PLXNA3: variants seen among roughly 807,000 people sequenced by gnomAD.
PLXNA3 encodes the protein plexin-A3.
A neutral mutation model predicts 118.8 loss-of-function variants in PLXNA3; 52 were observed. The observed-to-expected ratio is 0.44, with a 90% CI of 0.35 to 0.55. PLXNA3 has a LOEUF of 0.55. Among genes scored for constraint, PLXNA3 ranks in the 20% least tolerant of loss-of-function variants. PLXNA3 has a pLI of 0.01. For synonymous variants in PLXNA3, 925 were observed against 762.4 expected, an observed-to-expected ratio of 1.21 and a Z score of -3.51; for missense variants, 1,660 against 1,730.8, an observed-to-expected ratio of 0.96 and a Z score of 0.73.
rs782793795 is a variant in PLXNA3 at position 154,460,668 on chromosome X, C to G, written c.485C>G (p.Pro162Arg). 5.1e-6 allele frequency: 6 copies of G among 1,165,568 alleles called. No individual in the cohort carries two copies. The East Asian group carries it at 1.8e-4, about 35-fold the overall frequency. ...GTCATTGTGGAGCAGGGCCAGGGGCCCAGCAAGCTGTTTGTGGGCACTGCT... is the reference window on the plus strand; with the variant it reads ...GTCATTGTGGAGCAGGGCCAGGGGCGCAGCAAGCTGTTTGTGGGCACTGCT... Reference protein sequence around the residue: ...AGVIVEQGQGPSKLFVGTAVD... With the variant: ...AGVIVEQGQGRSKLFVGTAVD... The change falls in exon 2 of 33, where the codon CCC (proline) becomes CGC (arginine). Residue 162 changes from proline to arginine, a missense_variant. Pro to Arg is a moderately radical substitution (Grantham distance 103). Around this residue, in one of 2 missense-constraint regions of PLXNA3, gnomAD observed 791 missense variants for 652.1 expected, o/e 1.21. Transcript: ENST00000369682.
Position 154,469,384 on chromosome X carries a change from C to T in PLXNA3, c.4600C>T (p.Arg1534Cys), listed in dbSNP as rs1233088726. The change falls in exon 27 of 33, where the codon CGC becomes TGC. Residue 1534 changes from arginine to cysteine, a missense_variant. Arg to Cys is a radical substitution (Grantham distance 180). Coordinates refer to ENST00000369682, the MANE Select transcript of PLXNA3 (RefSeq NM_017514.5). ...GGGCTGTCTGTGGCCCACAGAGTGG[C>T]GCCAGGGCCGCATGACTCGCATCAT... ...PKAEDMDLEW[R>C]QGRMTRIILQ... 1.4e-5 allele frequency: 17 copies of T among 1,203,352 alleles called. No homozygotes were observed. Among genetic ancestry groups the T allele is most frequent in the South Asian group, 1.8e-5 (1 of 56,601 alleles).
In PLXNA3 at chrX:154,463,265, T is replaced by C. The variant is rs1414510226; in HGVS notation, c.1318-126T>C. On this transcript the variant is annotated intron_variant, in intron 4 of 32. Transcript: ENST00000369682. ...CTTTTTTTGGCCTCCGGGCTGTGGGTGTGAGTGCTGAACCCCACCAGGTCC... is the reference window on the plus strand; with the variant it reads ...CTTTTTTTGGCCTCCGGGCTGTGGGCGTGAGTGCTGAACCCCACCAGGTCC... The C allele has an allele frequency of 4.2e-6, 4 of 952,795 alleles. No homozygotes were observed. In the African/African-American group the frequency reaches 5.8e-5, roughly 14 times the overall value. The allele number at this position is 952,795 out of a possible 1,213,427, so 78.5% of individuals were successfully genotyped here.
rs782169203 is a variant in PLXNA3, at chrX:154,467,125, A to G, written c.3176A>G (p.Lys1059Arg). Residue 1059 changes from lysine to arginine, a missense_variant, in exon 18 of 33, where the codon AAG becomes AGG. Coordinates refer to ENST00000369682, the MANE Select transcript of PLXNA3 (RefSeq NM_017514.5). ...LTVQEPRVRAKYRGIETTNTC... is the reference protein window; with the variant it reads ...LTVQEPRVRARYRGIETTNTC... Reference sequence around the variant, plus strand: ...GTCCAGGAGCCCCGGGTCCGTGCCAAGTACCGCGGCATTGAGACCACCAAT... The same window carrying G: ...GTCCAGGAGCCCCGGGTCCGTGCCAGGTACCGCGGCATTGAGACCACCAAT... 3.3e-6 allele frequency: 4 copies of G among 1,210,308 alleles called. No individual in the cohort carries two copies. The Admixed American group carries it at 6.5e-5, about 20-fold the overall frequency.
rs142990103 is a variant in PLXNA3 at position 154,470,167 on chromosome X, G to A, written c.4986G>A (p.Lys1662=). ...ACCTGACACGGCTGCTGGCCACCAA[G>A]GTATGGGCCTGCCTCTCGCCACCTT... ...EIYLTRLLAT[K]GTLQKFVDDL... Residue 1662 remains lysine (K), a splice_region_variant and synonymous_variant, in exon 29 of 33, where the codon AAG becomes AAA. Coordinates refer to ENST00000369682, the MANE Select transcript of PLXNA3 (RefSeq NM_017514.5). 9 of 1,206,623 alleles carry A rather than the reference G, an allele frequency of 7.5e-6. No individual in the cohort carries two copies. In the African/African-American group the frequency reaches 1.2e-4, roughly 16 times the overall value.
chrX:154,465,060 G>T lies in PLXNA3; in HGVS notation c.2086G>T (p.Val696Phe). The T allele has an allele frequency of 1.7e-6, 2 of 1,209,623 alleles. No individual in the cohort carries two copies. The highest frequency in any genetic ancestry group is 2.2e-6 in the Non-Finnish European group (2 of 894,537). ...GCCCAGTGGGGACCTCCTGATCCCC[G>T]TTGGGGTCATGCAGCCTCTTACCTT... ...ILPSGDLLIP[V>F]GVMQPLTLRA... The change falls in exon 11 of 33, where the codon GTT (valine) becomes TTT (phenylalanine). Residue 696 changes from valine to phenylalanine, a missense_variant. Val to Phe is a conservative substitution (Grantham distance 50). Coordinates refer to ENST00000369682, the MANE Select transcript of PLXNA3 (RefSeq NM_017514.5).
chrX:154,458,607 C>T (rs1276929991), intron 1 of PLXNA3, among the ~76,000 whole-genome samples, 179 bp downstream of exon 1: 2 of 112,743 alleles, frequency 1.8e-5, no homozygotes, highest in Admixed American at 9.2e-5. Flanking sequence ...GACCAACACC[C>T]TGCCCAAAGA....
Position 154,472,950 on chromosome X carries a change from G to A in PLXNA3, c.*265G>A, listed in dbSNP as rs1402568879. 17 of 323,286 alleles carry A rather than the reference G, an allele frequency of 5.3e-5. No homozygotes were observed. The highest frequency in any genetic ancestry group is 9.4e-5 in the Non-Finnish European group (17 of 180,352). The allele number at this position is 323,286 out of a possible 1,213,427, so 26.6% of individuals were successfully genotyped here. A position where few individuals can be genotyped will look rare whatever the true frequency, so the allele number is the denominator to read the frequency against. On this transcript the variant is annotated 3_prime_UTR_variant, in exon 33 of 33. Coordinates refer to ENST00000369682, the MANE Select transcript of PLXNA3 (RefSeq NM_017514.5). ...CCTCCTGCCCTGTGCCCAGGTGTTG[G>A]GACAGTCCCACCCTCCCTGCTATTT... is the stretch of plus-strand genomic sequence containing the variant.
rs112506751 is a variant in PLXNA3 at position 154,463,742 on chromosome X, G to A, written c.1547+52G>A. 6 of 1,054,476 alleles carry A rather than the reference G, an allele frequency of 5.7e-6. No individual in the cohort carries two copies. The South Asian group carries it at 9.9e-5, about 17-fold the overall frequency. The allele number at this position is 1,054,476 out of a possible 1,213,427, so 86.9% of individuals were successfully genotyped here. ...AGTTGGAGGGCCCCACTGGCCAGGG[G>A]GAGCCAGCCACACCCAGCCGTGCCC... On this transcript the variant is annotated intron_variant, in intron 6 of 32. Transcript: ENST00000369682.
At chrX:154,463,338 A>C in intron 4 of PLXNA3, 53 bp from the exon 5 acceptor site, 1 of 1,206,948 alleles carries the variant, frequency 8.3e-7, no homozygotes, top group East Asian at 3.0e-5. Context: ...TGGAGAAGAC[A>C]GTGTCCCAGG....
In PLXNA3 at chrX:154,459,772, C is replaced by T. The variant is rs6643671; in HGVS notation, c.-27-385C>T. The stretch of plus-strand genomic sequence containing the variant: ...GGCCCTGCCCCTCTCCCCCAGCTTG[C>T]GATTATTCTGTGCCTGCCTCCCTCT... On this transcript the variant is annotated intron_variant, in intron 1 of 32. Transcript: ENST00000369682. 1.3e-4 allele frequency among the ~76,000 whole-genome samples: 15 copies of T among 112,820 alleles called. No homozygotes were observed. In the East Asian group the frequency reaches 2.8e-3, roughly 21 times the overall value.
chrX:154,464,876 G>A lies in PLXNA3; in HGVS notation c.2043+8G>A, dbSNP rs368907905. 93 of 1,155,415 alleles carry A rather than the reference G, an allele frequency of 8.0e-5. No individual in the cohort carries two copies. In the African/African-American group the frequency reaches 1.0e-3, roughly 13 times the overall value. The stretch of plus-strand genomic sequence containing the variant: ...AGGGTCCACAGCCCTGAGGTGAGGC[G>A]GGCGCCGCATGTGAGGGGCTGGGCT... On this transcript the variant is annotated splice_region_variant and intron_variant, in intron 10 of 32. Coordinates refer to ENST00000369682, the MANE Select transcript of PLXNA3 (RefSeq NM_017514.5).
intron 1 of PLXNA3, among the ~76,000 whole-genome samples, chrX:154,459,533 G>C (rs2068900554): frequency 8.9e-6 from 1 of 112,698 alleles, no homozygotes; most frequent in South Asian, 3.6e-4. Flanking sequence ...ATGTGTGTCT[G>C]GGTGCGTGGC....
Position 154,461,997 on chromosome X carries a change from GGCGA to G in PLXNA3, c.1135-128_1135-125del, listed in dbSNP as rs1409052763. On this transcript the variant is annotated intron_variant, in intron 3 of 32. Coordinates refer to ENST00000369682, the MANE Select transcript of PLXNA3 (RefSeq NM_017514.5). The stretch of plus-strand genomic sequence containing the variant: ...CCACCAATTTCCTGGAGCACCCTAG[GGCGA>G]GCAGTCAGTCCTGGCTGGAGGGGAC... The G allele has an allele frequency of 5.6e-6, 3 of 532,172 alleles. 1 individual carries two copies. In the African/African-American group the frequency reaches 7.1e-5, roughly 13 times the overall value. 43.9% of individuals were successfully genotyped at this position (532,172 alleles called of 1,213,427 possible).
Position 154,471,102 on chromosome X carries a change from C to T in PLXNA3, c.5157-3C>T. On this transcript the variant is annotated splice_polypyrimidine_tract_variant and splice_region_variant and intron_variant, in intron 30 of 32. Coordinates refer to ENST00000369682, the MANE Select transcript of PLXNA3 (RefSeq NM_017514.5). ...CAGGCGCACGTCCCTCTGTTGTCCA[C>T]AGCCTGCCGCTGCGCTTCTGGGTGA... 8.3e-7 allele frequency: 1 copy of T among 1,209,070 alleles called. No homozygotes were observed. The highest frequency in any genetic ancestry group is 1.8e-5 in the South Asian group (1 of 56,854).
At position 154,465,798 on chromosome X, in the gene PLXNA3, T is replaced by C. The variant is rs782758665; in HGVS notation, c.2483T>C (p.Met828Thr). ...THCPAPKTNW[M>T]HLSQKGTRCS... is the part of the protein sequence containing the mutation. ...TGCCCGGCCCCGAAGACCAACTGGA[T>C]GCACCTGAGCCAGAAGGGCACCCGG... Residue 828 changes from methionine to threonine, a missense_variant, in exon 13 of 33, where the codon ATG becomes ACG. By Grantham distance (81) the Met-to-Thr change is moderately conservative. Coordinates refer to ENST00000369682, the MANE Select transcript of PLXNA3 (RefSeq NM_017514.5). 4 of 1,208,701 alleles carry C rather than the reference T, an allele frequency of 3.3e-6. No individual in the cohort carries two copies. The highest frequency in any genetic ancestry group is 4.5e-6 in the Non-Finnish European group (4 of 894,031).
Position 154,463,617 on chromosome X carries a change from G to C in PLXNA3, c.1474G>C (p.Glu492Gln), listed in dbSNP as rs782604040. The stretch of plus-strand genomic sequence containing the variant: ...GAGCCAGCTCCCGGTGGAGACCTGT[G>C]AGCAGTACCAGAGCTGCGCAGCCTG... Reference protein sequence around the residue: ...QVSQLPVETCEQYQSCAACLG... With the variant: ...QVSQLPVETCQQYQSCAACLG... Residue 492 changes from glutamate to glutamine, a missense_variant, in exon 6 of 33, where the codon GAG (glutamate) becomes CAG (glutamine). Glu to Gln is a conservative substitution (Grantham distance 29). Coordinates refer to ENST00000369682, the MANE Select transcript of PLXNA3 (RefSeq NM_017514.5). 3 of 1,204,462 alleles carry C rather than the reference G, an allele frequency of 2.5e-6. No homozygotes were observed. In the South Asian group the frequency reaches 5.4e-5, roughly 22 times the overall value.
Position 154,468,100 on chromosome X carries a change from C to A in PLXNA3, c.3839C>A (p.Thr1280Lys). ...CCCCCAGCTTTTGCAGAGCTGCAGACGGACATCAATGAGCTGACTAACCAC... is the reference window on the plus strand; with the variant it reads ...CCCCCAGCTTTTGCAGAGCTGCAGAAGGACATCAATGAGCTGACTAACCAC... Reference protein sequence around the residue: ...ECKEAFAELQTDINELTNHMD... With the variant: ...ECKEAFAELQKDINELTNHMD... The change falls in exon 22 of 33, where the codon ACG (threonine) becomes AAG (lysine). Residue 1280 changes from threonine (T) to lysine (K), a missense_variant. Thr to Lys is a moderately conservative substitution (Grantham distance 78). Transcript: ENST00000369682. The A allele has an allele frequency of 8.4e-7, 1 of 1,191,696 alleles. No homozygotes were observed. Among genetic ancestry groups the A allele is most frequent in the Non-Finnish European group, 1.1e-6 (1 of 883,467 alleles).
rs782481791 is a variant in PLXNA3 at position 154,471,138 on chromosome X, G to A, written c.5190G>A (p.Lys1730=). The A allele has an allele frequency of 1.7e-6, 2 of 1,211,008 alleles. No homozygotes were observed. The highest frequency in any genetic ancestry group is 4.3e-5 in the Admixed American group (2 of 46,029). The change falls in exon 31 of 33, where the codon AAG becomes AAA. Residue 1730 remains lysine (K), a synonymous_variant. Transcript: ENST00000369682. ...LPLRFWVNVI[K]NPQFVFDIHK... is the part of the protein sequence containing the mutation. Reference sequence around the variant, plus strand: ...TGCGCTTCTGGGTGAATGTGATCAAGAACCCGCAGTTCGTGTTCGACATCC... The same window carrying A: ...TGCGCTTCTGGGTGAATGTGATCAAAAACCCGCAGTTCGTGTTCGACATCC...
At chrX:154,471,409 CG>C in intron 31 of PLXNA3, 78 bp from the exon 32 acceptor site, 2 of 1,157,867 alleles carry the variant, frequency 1.7e-6, no homozygotes, top group South Asian at 3.8e-5. Flanking sequence ...GCAGGAAGCC[CG>C]GGGGCTGGCT....
Sources: gnomAD v4.1 joint callset for allele counts (sites outside exome capture counted in the v4.1 genomes callset) on GRCh38, gnomAD v4.1.1 for gene constraint, gnomAD v4.1.1 regional missense constraint, MANE v1.5 for transcripts, NCBI Gene and HGNC (gene_info 2026-07-23, HGNC 2026-07-21) for gene names.